The following PTPRD variants were observed in gnomAD, a reference collection of about 807,000 sequenced individuals.
PTPRD encodes the protein receptor-type tyrosine-protein phosphatase delta.
In PTPRD, 34 loss-of-function variants were observed where a neutral mutation model predicts 214.5. The ratio of observed to expected loss-of-function variants is 0.16; its 90% CI spans 0.12 to 0.21. The LOEUF (loss-of-function observed/expected upper bound fraction) is 0.21. PTPRD is among the 10% of genes least tolerant of loss of function. The pLI is 1.00. For synonymous variants in PTPRD, 1,128 were observed against 845.7 expected (o/e 1.33, Z -5.79); for missense variants, 2,545 against 2,398.7 (o/e 1.06, Z -1.27).
At chr9:9,543,430 C>T (rs2078061900) in intron 8 of PTPRD, among the ~76,000 whole-genome samples, 1 of 151,552 alleles carries the variant, frequency 6.6e-6, no homozygotes, top group South Asian at 2.1e-4. Flanking sequence ...CTGGGCTTCA[C>T]ATTATATCAA....
chr9:10,242,942 A>C (rs1331592370), intron 3 of PTPRD, among the ~76,000 whole-genome samples: 1 of 150,702 alleles, frequency 6.6e-6, no homozygotes, highest in African/African-American at 2.4e-5. Flanking sequence ...GGAGGGAGGG[A>C]GAGAGAGAGA....
intron 12 of PTPRD, among the ~76,000 whole-genome samples, chr9:8,715,589 A>G (rs867768228): frequency 1.8e-4 from 27 of 152,214 alleles, no homozygotes; most frequent in South Asian, 8.3e-4. Context: ...TGCTCTTCCC[A>G]CCACACCATA....
intron 9 of PTPRD, among the ~76,000 whole-genome samples, chr9:9,242,667 C>G (rs954115695): frequency 1.3e-5 from 2 of 152,146 alleles, no homozygotes; most frequent in Non-Finnish European, 2.9e-5. Flanking sequence ...TCACGTAGTT[C>G]TTGTGCCATG....
chr9:9,603,965 G>T (rs1330094557), intron 7 of PTPRD, among the ~76,000 whole-genome samples: 1 of 151,990 alleles, frequency 6.6e-6, no homozygotes, highest in East Asian at 1.9e-4. Context: ...CTGACACAAA[G>T]CAAGAAATAC....
chr9:8,592,859 CAA>C (rs1176025394), intron 14 of PTPRD, among the ~76,000 whole-genome samples: 1 of 152,132 alleles, frequency 6.6e-6, no homozygotes, highest in Non-Finnish European at 1.5e-5. Flanking sequence ...TGAACGAAGT[CAA>C]AGACAGGTGG....
chr9:10,456,021 G>T (rs1270409341), intron 2 of PTPRD, among the ~76,000 whole-genome samples: 1 of 151,706 alleles, frequency 6.6e-6, no homozygotes, highest in Non-Finnish European at 1.5e-5. Flanking sequence ...ACCCAAAATT[G>T]TTTATGCCTC....
At chr9:8,919,044 T>C (rs1161924919) in intron 11 of PTPRD, among the ~76,000 whole-genome samples, 2 of 152,120 alleles carry the variant, frequency 1.3e-5, no homozygotes, top group African/African-American at 4.8e-5. Context: ...GCAGATCCTT[T>C]TTACCACTTT....
At chr9:9,595,950 A>AT (rs893319001) in intron 7 of PTPRD, among the ~76,000 whole-genome samples, 32 of 151,930 alleles carry the variant, frequency 2.1e-4, no homozygotes, top group African/African-American at 6.0e-4. Context: ...TGGAAATAAA[A>AT]AAAAAATAAA....
chr9:10,181,099 A>G (rs1392318530), intron 3 of PTPRD, among the ~76,000 whole-genome samples: 2 of 152,112 alleles, frequency 1.3e-5, no homozygotes, highest in African/African-American at 4.8e-5. Context: ...TATAGGCTTG[A>G]AATTAAGAGA....
intron 8 of PTPRD, among the ~76,000 whole-genome samples, chr9:9,409,474 A>G (rs1371280945): frequency 5.9e-5 from 9 of 152,098 alleles, no homozygotes; most frequent in Non-Finnish European, 5.9e-5. Context: ...TAAATTAAAT[A>G]TAATTAAACT....
chr9:9,055,196 T>C (rs2099693950), intron 10 of PTPRD, among the ~76,000 whole-genome samples: 1 of 152,140 alleles, frequency 6.6e-6, no homozygotes, highest in Non-Finnish European at 1.5e-5. Flanking sequence ...ATAAAGGTAT[T>C]CATTGCAGCA....
intron 33 of PTPRD, among the ~76,000 whole-genome samples, chr9:8,452,594 A>T (rs1047059452): frequency 1.3e-5 from 2 of 151,902 alleles, no homozygotes; most frequent in Non-Finnish European, 1.5e-5. Flanking sequence ...GCCTTGCTCT[A>T]TTTTTTTTCT....
chr9:9,953,168 G>A (rs1317328966), intron 4 of PTPRD, among the ~76,000 whole-genome samples: 1 of 152,042 alleles, frequency 6.6e-6, no homozygotes, highest in Non-Finnish European at 1.5e-5. Context: ...AACTTTCCTG[G>A]GTCATGGTGT....
At position 9,476,691 on chromosome 9, in the gene PTPRD, A is replaced by C. The variant is rs147841826; in HGVS notation, c.-236-79209T>G. 4.7e-3 allele frequency among the ~76,000 whole-genome samples: 718 copies of C among 152,296 alleles called. 13 individuals carry two copies. Among genetic ancestry groups the C allele is most frequent in the Admixed American group, 0.025 (377 of 15,296 alleles). On this transcript the variant is annotated intron_variant, in intron 8 of 45. Coordinates refer to ENST00000381196, the MANE Select transcript of PTPRD (RefSeq NM_002839.4). Reference sequence around the variant, plus strand: ...AATGAGTATACAGATAGAAATCTGAAATTTTACATAAGAAACCTAATAAAC... The same window carrying C: ...AATGAGTATACAGATAGAAATCTGACATTTTACATAAGAAACCTAATAAAC...
At chr9:9,072,037 T>C (rs1389544141) in intron 10 of PTPRD, among the ~76,000 whole-genome samples, 1 of 152,118 alleles carries the variant, frequency 6.6e-6, no homozygotes, top group East Asian at 1.9e-4. Context: ...GAAGAAGTGA[T>C]TGTTTCCTCA....
intron 3 of PTPRD, among the ~76,000 whole-genome samples, chr9:10,217,502 T>TAAA (rs761484091): frequency 6.6e-6 from 1 of 152,034 alleles, no homozygotes; most frequent in South Asian, 2.1e-4. Flanking sequence ...AGTACACATT[T>TAAA]AAAATTGATC....
intron 11 of PTPRD, among the ~76,000 whole-genome samples, chr9:8,773,523 T>A (rs1027897604): frequency 1.3e-5 from 2 of 152,300 alleles, no homozygotes; most frequent in South Asian, 4.1e-4. Flanking sequence ...ATGTATTTTA[T>A]CTGTTTTATG....
chr9:9,423,938 T>G (rs7043400), intron 8 of PTPRD, among the ~76,000 whole-genome samples: 2 of 152,124 alleles, frequency 1.3e-5, no homozygotes, highest in Admixed American at 6.5e-5. Flanking sequence ...CAGAGTGGAT[T>G]CTATAATGCA....
intron 10 of PTPRD, among the ~76,000 whole-genome samples, chr9:9,072,621 C>T: frequency 6.6e-6 from 1 of 152,156 alleles, no homozygotes; most frequent in East Asian, 1.9e-4. Context: ...TTGCCACATA[C>T]TATTCTACAT....
Sources: gnomAD v4.1 joint callset for allele counts (sites outside exome capture counted in the v4.1 genomes callset) on GRCh38, gnomAD v4.1.1 for gene constraint, MANE v1.5 for transcripts, NCBI Gene and HGNC (gene_info 2026-07-23, HGNC 2026-07-21) for gene names.